Variants in KLK1 observed in about 807,000 individuals in gnomAD.
KLK1 encodes the protein kallikrein-1.
Under a neutral mutation model 23.3 loss-of-function variants are expected in KLK1, and 22 were observed. That is an observed-to-expected ratio of 0.95 (90% confidence interval 0.68 to 1.35). The LOEUF (loss-of-function observed/expected upper bound fraction) is 1.35, where lower values mean the gene tolerates loss of function less well. Among genes scored for constraint, KLK1 ranks in the 40% most tolerant of loss-of-function variants. The probability of loss-of-function intolerance (pLI) is 0.00; values close to 1 mark genes in which losing one functional copy is unlikely to be tolerated. For synonymous variants in KLK1, 140 were observed against 135.8 expected, an observed-to-expected ratio of 1.03 and a Z score of -0.21; for missense variants, 301 against 338.9, an observed-to-expected ratio of 0.89 and a Z score of 0.88.
Position 50,821,608 on chromosome 19 carries a change from C to CA in KLK1, c.206+103dup, listed in dbSNP as rs1281243838. On this transcript the variant is annotated intron_variant, in intron 2 of 4. Transcript: ENST00000301420. The surrounding 1 kb of genome is among the most constrained non-coding windows in gnomAD (Gnocchi z 5.6). ...TGCGCCAGAGCCTTCCTCTCTGCCTCAGCCCCCCAGTCTTGCCTGAGGTTA... is the reference window on the plus strand; with the variant it reads ...TGCGCCAGAGCCTTCCTCTCTGCCTCAAGCCCCCCAGTCTTGCCTGAGGTTA... The CA allele has an allele frequency of 1.5e-5, 21 of 1,410,898 alleles. No individual in the cohort carries two copies. The highest frequency in any genetic ancestry group is 1.9e-5 in the Non-Finnish European group (20 of 1,071,242). The allele number at this position is 1,410,898 out of a possible 1,614,324, so 87.4% of individuals were successfully genotyped here. A position where few individuals can be genotyped will look rare whatever the true frequency, so the allele number is the denominator to read the frequency against.
In KLK1 at chr19:50,819,920, T is replaced by G. The variant is rs1057514835; in HGVS notation, c.612A>C (p.Glu204Asp). The change falls in exon 4 of 5, where the codon GAA becomes GAC. Residue 204 changes from glutamate (E) to aspartate (D), a missense_variant. By Grantham distance (45) the Glu-to-Asp change is conservative. Coordinates refer to ENST00000301420, the MANE Select transcript of KLK1 (RefSeq NM_002257.4). The part of the protein sequence containing the change: ...TDFMLCVGHL[E>D]GGKDTCVGDS... Reference sequence around the variant, plus strand: ...TCACCACACAGGTGTCTTTGCCACCTTCCAGGTGTCCGACACACAGCATGA... The same window carrying G: ...TCACCACACAGGTGTCTTTGCCACCGTCCAGGTGTCCGACACACAGCATGA... The G allele has an allele frequency of 3.7e-6, 6 of 1,614,094 alleles. No individual in the cohort carries two copies. The East Asian group carries it at 1.1e-4, about 30-fold the overall frequency.
rs767575395 is a variant in KLK1, at chr19:50,821,805, C to T, written c.113G>A (p.Trp38Ter). The T allele has an allele frequency of 7.4e-6, 12 of 1,613,794 alleles. No individual in the cohort carries two copies. The highest frequency in any genetic ancestry group is 1.7e-5 in the Admixed American group (1 of 60,002). The part of the protein sequence containing the change: ...GWECEQHSQP[W>*]QAALYHFSTF... ...GCTGAAATGGTACAGAGCCGCCTGCCAGGGCTGGGAATGCTGCTCACACTC... is the reference window on the plus strand; with the variant it reads ...GCTGAAATGGTACAGAGCCGCCTGCTAGGGCTGGGAATGCTGCTCACACTC... The change falls in exon 2 of 5, where the codon TGG (tryptophan) becomes TAG (stop). Residue 38 changes from tryptophan (W) to a stop codon, truncating the protein, a stop_gained. Transcript: ENST00000301420. LOFTEE classifies it high-confidence loss of function. The surrounding 1 kb of genome is among the most constrained non-coding windows in gnomAD (Gnocchi z 5.6).
intron 1 of KLK1, 116 bp downstream of exon 1, chr19:50,823,587 G>C: frequency 1.5e-6 from 1 of 655,854 alleles, no homozygotes; most frequent in Non-Finnish European, 2.7e-6. Context: ...AGGATAGACT[G>C]TGGGCCAGAG....
At chr19:50,820,467 GATGAGAAGAC>G in intron 2 of KLK1, 24 bp from the exon 3 acceptor site, 1 of 1,049,116 alleles carries the variant, frequency 9.5e-7, no homozygotes, top group Non-Finnish European at 1.3e-6. Flanking sequence ...GGAATGGAGG[GATGAGAAGAC>G]GGGAAGGGGA....
intron 1 of KLK1, chr19:50,822,761 C>T: frequency 1.0e-6 from 1 of 985,188 alleles, no homozygotes. Flanking sequence ...ATATGGGGTC[C>T]TCTTGGAGGC....
At chr19:50,822,205 G>A (rs2089832548) in intron 1 of KLK1, 2 of 1,055,942 alleles carry the variant, frequency 1.9e-6, no homozygotes, top group Non-Finnish European at 2.3e-6. Context: ...GGGGATGGGA[G>A]GTGGTGGGTT....
chr19:50,821,863 G>T lies in KLK1; in HGVS notation c.55C>A (p.Pro19Thr). Residue 19 changes from proline to threonine, a missense_variant, in exon 2 of 5, where the codon CCC (proline) becomes ACC (threonine). Coordinates refer to ENST00000301420, the MANE Select transcript of KLK1 (RefSeq NM_002257.4). This position sits in a 1 kb window ranked among gnomAD's most constrained non-coding sequence, Gnocchi z 5.6. ...CCCACAATCCGGGACTGAATCGGGG[G>T]CGCAGCACCTGCAGAGGCGGTGCTG... ...ALSLGGTGAA[P>T]PIQSRIVGGW... 1 of 1,609,432 alleles carries T rather than the reference G, an allele frequency of 6.2e-7. No individual in the cohort carries two copies. The highest frequency in any genetic ancestry group is 8.5e-7 in the Non-Finnish European group (1 of 1,177,286).
At chr19:50,820,486 GAAAA>G in intron 2 of KLK1, 43 bp from the exon 3 acceptor site, 1 of 496,274 alleles carries the variant, frequency 2.0e-6, no homozygotes, top group Non-Finnish European at 3.5e-6. Context: ...ACGGGAAGGG[GAAAA>G]GGGGATGGGG....
In KLK1 at chr19:50,819,184, G is replaced by T. The variant is rs2089804501; in HGVS notation, c.*10C>A. On this transcript the variant is annotated 3_prime_UTR_variant, in exon 5 of 5. Coordinates refer to ENST00000301420, the MANE Select transcript of KLK1 (RefSeq NM_002257.4). Reference sequence around the variant, plus strand: ...TGATTTTACTGGGGGTAGGGGACAGGGCTGGGCGTTCAGGAGTTCTCCGCT... The same window carrying T: ...TGATTTTACTGGGGGTAGGGGACAGTGCTGGGCGTTCAGGAGTTCTCCGCT... 1.2e-6 allele frequency: 2 copies of T among 1,607,492 alleles called. No homozygotes were observed. Among genetic ancestry groups the T allele is most frequent in the East Asian group, 4.5e-5 (2 of 44,730 alleles).
chr19:50,820,511 TG>T, intron 2 of KLK1, 68 bp from the exon 3 acceptor site: 1 of 135,884 alleles, frequency 7.4e-6, no homozygotes. Flanking sequence ...CAGGGGAGCA[TG>T]GGGGAGGGTC....
chr19:50,819,688 AC>A (rs2123386647), intron 4 of KLK1, among the ~76,000 whole-genome samples: 1 of 150,716 alleles, frequency 6.6e-6, no homozygotes, highest in South Asian at 2.1e-4. Flanking sequence ...ACACATTACC[AC>A]GAGGAACGGT....
intron 1 of KLK1, chr19:50,822,177 A>T: frequency 1.3e-5 from 13 of 984,870 alleles, no homozygotes; most frequent in East Asian, 1.6e-4. Flanking sequence ...GCGTCAGGTC[A>T]TTTGGGGTCT....
rs776729689 is a variant in KLK1 at position 50,819,980 on chromosome 19, CTCA to C, written c.549_551del (p.Asp183del). 1 of 1,614,026 alleles carries C rather than the reference CTCA, an allele frequency of 6.2e-7. No homozygotes were observed. The highest frequency in any genetic ancestry group is 1.3e-5 in the African/African-American group (1 of 74,916). On this transcript the variant is annotated inframe_deletion, in exon 4 of 5. Transcript: ENST00000301420. ...CCTTCTGGACGTGGGCTTTTTTGCACTCATCATTAGGCAGGATTTTGAGGTCCA... is the reference window on the plus strand; with the variant it reads ...CCTTCTGGACGTGGGCTTTTTTGCACTCATTAGGCAGGATTTTGAGGTCCA...
chr19:50,820,158 C>G lies in KLK1; in HGVS notation c.492G>C (p.Glu164Asp). The change falls in exon 3 of 5, where the codon GAG becomes GAC. Residue 164 changes from glutamate (E) to aspartate (D), a missense_variant. Transcript: ENST00000301420. The stretch of plus-strand genomic sequence containing the variant: ...ACACAGTCTGCCCCCACATACAATT[C>G]TCTGGTTCGATGCTGCCCCAGCCGG... ...LASGWGSIEP[E>D]NFSFPDDLQC... The G allele has an allele frequency of 6.2e-7, 1 of 1,600,242 alleles. No homozygotes were observed. The highest frequency in any genetic ancestry group is 8.5e-7 in the Non-Finnish European group (1 of 1,171,038).
chr19:50,822,460 G>A, intron 1 of KLK1: 1 of 985,686 alleles, frequency 1.0e-6, no homozygotes, highest in South Asian at 4.7e-5. Context: ...GGGGTTGGAA[G>A]GGGCCAGCTT....
At chr19:50,822,662 C>CA (rs2089835094) in intron 1 of KLK1, 1 of 964,638 alleles carries the variant, frequency 1.0e-6, no homozygotes, top group South Asian at 4.9e-5. Context: ...AGGAGGGAGG[C>CA]GTGAGTGGCA....
rs1033777830 is a variant in KLK1 at position 50,822,834 on chromosome 19, T to C, written c.46+869A>G. 3 of 978,164 alleles carry C rather than the reference T, an allele frequency of 3.1e-6. No individual in the cohort carries two copies. In the African/African-American group the frequency reaches 5.3e-5, roughly 17 times the overall value. The allele number at this position is 978,164 out of a possible 1,614,324, so 60.6% of individuals were successfully genotyped here. ...GCGCCAAGCAGCTGTGGGAATGCAA[T>C]GCAGGACCCACTTGACGTGAGGTTG... On this transcript the variant is annotated intron_variant, in intron 1 of 4. Coordinates refer to ENST00000301420, the MANE Select transcript of KLK1 (RefSeq NM_002257.4).
intron 3 of KLK1, 55 bp downstream of exon 3, chr19:50,820,099 T>C (rs2089813736): frequency 6.8e-6 from 11 of 1,607,606 alleles, no homozygotes; most frequent in Non-Finnish European, 9.4e-6. Context: ...CCTTTCTCCC[T>C]TGGACGCAGG....
intron 1 of KLK1, chr19:50,822,185 T>C: frequency 9.4e-7 from 1 of 1,062,590 alleles, no homozygotes; most frequent in Non-Finnish European, 1.1e-6. Flanking sequence ...TCATTTGGGG[T>C]CTGGGGCTGG....
Sources: gnomAD v4.1 joint callset for allele counts (sites outside exome capture counted in the v4.1 genomes callset) on GRCh38, gnomAD v4.1.1 for gene constraint, Gnocchi (gnomAD v3.1) non-coding constraint, MANE v1.5 for transcripts, NCBI Gene and HGNC (gene_info 2026-07-23, HGNC 2026-07-21) for gene names.